ABTB2: variants seen among roughly 807,000 people sequenced by gnomAD.
ABTB2 encodes ankyrin repeat and BTB/POZ domain-containing protein 2.
ABTB2 carries 56 observed loss-of-function variants against 104.1 expected under a neutral mutation model. The observed-to-expected ratio is 0.54, with a 90% CI of 0.43 to 0.67. The LOEUF is 0.67. Among genes scored for constraint, ABTB2 ranks in the 30% least tolerant of loss-of-function variants. The probability of loss-of-function intolerance (pLI) is 0.00; values close to 1 mark genes in which losing one functional copy is unlikely to be tolerated. For synonymous variants in ABTB2, 606 were observed against 608.2 expected, an observed-to-expected ratio of 1.00 and a Z score of 0.05; for missense variants, 1,279 against 1,407.7, an observed-to-expected ratio of 0.91 and a Z score of 1.46.
chr11:34,258,457 G>A (rs1252800498), intron 1 of ABTB2, among the ~76,000 whole-genome samples: 1 of 152,114 alleles, frequency 6.6e-6, no homozygotes. Context: ...ACAATCCAGT[G>A]TTGCTCTAGG....
At chr11:34,283,595 T>G (rs1231025694) in intron 1 of ABTB2, among the ~76,000 whole-genome samples, 1 of 152,178 alleles carries the variant, frequency 6.6e-6, no homozygotes, top group Non-Finnish European at 1.5e-5. Flanking sequence ...AAATACCATC[T>G]CATAAATCTA....
chr11:34,238,190 G>A (rs1406852917), intron 1 of ABTB2, among the ~76,000 whole-genome samples: 1 of 152,148 alleles, frequency 6.6e-6, no homozygotes, highest in Non-Finnish European at 1.5e-5. Flanking sequence ...CTAGCCACAG[G>A]GCCTTTGAAC....
At chr11:34,182,722 C>A (rs1420772535) in intron 3 of ABTB2, among the ~76,000 whole-genome samples, 1 of 152,038 alleles carries the variant, frequency 6.6e-6, no homozygotes, top group African/African-American at 2.4e-5. Flanking sequence ...CACCGTGTGA[C>A]AATCAGGGCC....
intron 14 of ABTB2, among the ~76,000 whole-genome samples, chr11:34,156,666 C>T (rs545879006): frequency 5.9e-5 from 9 of 152,004 alleles, no homozygotes; most frequent in African/African-American, 1.9e-4. Context: ...TGGGATTATG[C>T]AGCATGCACC....
At chr11:34,346,325 G>A (rs1366331159) in intron 1 of ABTB2, among the ~76,000 whole-genome samples, 4 of 151,954 alleles carry the variant, frequency 2.6e-5, no homozygotes, top group African/African-American at 7.2e-5. Flanking sequence ...CTGGGTAGGC[G>A]GGCTTCAAGC....
intron 1 of ABTB2, among the ~76,000 whole-genome samples, chr11:34,222,171 G>A (rs550140127): frequency 4.5e-4 from 68 of 152,318 alleles, no homozygotes; most frequent in African/African-American, 1.6e-3. Flanking sequence ...ATTGGCAATT[G>A]GTTGAAAGGG....
chr11:34,268,419 C>T (rs1854274889), intron 1 of ABTB2, among the ~76,000 whole-genome samples: 1 of 152,252 alleles, frequency 6.6e-6, no homozygotes, highest in Admixed American at 6.5e-5. Context: ...GGACGGCTGA[C>T]ATTTCCCAGA....
chr11:34,184,566 C>G (rs1327866890), intron 3 of ABTB2, among the ~76,000 whole-genome samples: 1 of 152,234 alleles, frequency 6.6e-6, no homozygotes, highest in Non-Finnish European at 1.5e-5. Flanking sequence ...TGGGCCTCCA[C>G]CCCTCCTCGC....
Position 34,167,938 on chromosome 11 carries a change from T to C in ABTB2, c.1618A>G (p.Met540Val), listed in dbSNP as rs777417015. The stretch of plus-strand genomic sequence containing the variant: ...AAGTTTGCCCCAGCATCAATCAACA[T>C]CTGGACCATCGCTTCGTCCCCAGCA... ...CAAGDEAMVQ[M>V]LIDAGANLDI... Residue 540 changes from methionine (M) to valine (V), a missense_variant, in exon 6 of 17, where the codon ATG (methionine) becomes GTG (valine). Coordinates refer to ENST00000435224, the MANE Select transcript of ABTB2 (RefSeq NM_145804.3). The C allele has an allele frequency of 1.2e-6, 2 of 1,614,234 alleles. No homozygotes were observed. The highest frequency in any genetic ancestry group is 1.7e-6 in the Non-Finnish European group (2 of 1,180,038).
chr11:34,167,316 G>A lies in ABTB2; in HGVS notation c.1698C>T (p.Ser566=), dbSNP rs776209758. 3 of 1,613,506 alleles carry A rather than the reference G, an allele frequency of 1.9e-6. No homozygotes were observed. The South Asian group carries it at 3.3e-5, about 18-fold the overall frequency. The change falls in exon 7 of 17, where the codon AGC becomes AGT. Residue 566 remains serine (S), a synonymous_variant. Transcript: ENST00000435224. ...SPRHPSIHPD[S]RHWTSLTFAV... ...CGAATGTCAGTGAGGTCCAGTGCCG[G>A]CTGTCGGGGTGGATGGAAGGGTGCC...
intron 1 of ABTB2, among the ~76,000 whole-genome samples, chr11:34,298,412 C>CT (rs200966756): frequency 0.11 from 14,353 of 129,062 alleles, 2,036 homozygotes; most frequent in African/African-American, 0.36. Flanking sequence ...GATCTTGTTT[C>CT]TTTTTTTTTT....
intron 1 of ABTB2, among the ~76,000 whole-genome samples, chr11:34,354,834 G>A (rs1034332835): frequency 6.6e-6 from 1 of 152,170 alleles, no homozygotes; most frequent in Non-Finnish European, 1.5e-5. Context: ...TCTCCTAGGA[G>A]CCTGCCTTTA....
intron 1 of ABTB2, among the ~76,000 whole-genome samples, chr11:34,323,502 T>C (rs780392298): frequency 3.3e-5 from 5 of 152,204 alleles, no homozygotes; most frequent in Non-Finnish European, 7.3e-5. Flanking sequence ...TCCTTGAGTC[T>C]TTCACATTTT....
At chr11:34,266,616 C>T (rs1388643993) in intron 1 of ABTB2, among the ~76,000 whole-genome samples, 8 of 149,978 alleles carry the variant, frequency 5.3e-5, no homozygotes, top group Admixed American at 5.3e-4. Context: ...CCTCTCCCTC[C>T]CCTGCCACCC....
Position 34,154,202 on chromosome 11 carries a change from C to G in ABTB2, c.2880+63G>C. On this transcript the variant is annotated intron_variant, in intron 16 of 16. Transcript: ENST00000435224. This position sits in a 1 kb window ranked among gnomAD's most constrained non-coding sequence, Gnocchi z 4.9. ...GCTCATCCCCAGTGCAGCCACACGG[C>G]CGAGGCCCCCGTGGAGCAGAGCATG... is the stretch of plus-strand genomic sequence containing the variant. The G allele has an allele frequency of 7.5e-7, 1 of 1,333,470 alleles. No homozygotes were observed. The highest frequency in any genetic ancestry group is 1.1e-6 in the Non-Finnish European group (1 of 935,150). The allele number at this position is 1,333,470 out of a possible 1,614,324, so 82.6% of individuals were successfully genotyped here. A position where few individuals can be genotyped will look rare whatever the true frequency, so the allele number is the denominator to read the frequency against.
At chr11:34,272,365 A>G (rs4756123) in intron 1 of ABTB2, among the ~76,000 whole-genome samples, 16,999 of 150,608 alleles carry the variant, frequency 0.11, 1,150 homozygotes, top group Admixed American at 0.21. Flanking sequence ...CTTTCCCCAG[A>G]TGGTTAAATC....
chr11:34,195,080 G>A (rs1408900795), intron 3 of ABTB2, among the ~76,000 whole-genome samples: 1 of 101,102 alleles, frequency 9.9e-6, no homozygotes, highest in African/African-American at 3.3e-5. Context: ...CCCGGCGGGG[G>A]GGGGGAGTGG....
chr11:34,207,999 T>C (rs183420582), intron 1 of ABTB2, among the ~76,000 whole-genome samples: 56 of 152,330 alleles, frequency 3.7e-4, no homozygotes, highest in Non-Finnish European at 6.0e-4. Flanking sequence ...TCTCTCTGAC[T>C]CCCTCTGATC....
intron 3 of ABTB2, among the ~76,000 whole-genome samples, chr11:34,174,728 C>T (rs1441517745): frequency 6.6e-6 from 1 of 152,292 alleles, no homozygotes. Flanking sequence ...CCTGTGGCTT[C>T]ATGACTTCGT....
Sources: allele counts gnomAD v4.1 joint callset (sites outside exome capture counted in the v4.1 genomes callset), GRCh38; gene constraint gnomAD v4.1.1; non-coding constraint Gnocchi (gnomAD v3.1); transcripts MANE v1.5; gene names NCBI Gene and HGNC (gene_info 2026-07-23, HGNC 2026-07-21).